Variants in TBC1D2 observed in about 807,000 individuals in gnomAD.
The protein encoded by TBC1D2 is TBC1 domain family member 2.
TBC1D2 carries 58 observed loss-of-function variants against 91.1 expected under a neutral mutation model. The ratio of observed to expected loss-of-function variants is 0.64; its 90% CI spans 0.52 to 0.79. The LOEUF is 0.79. Among genes scored for constraint, TBC1D2 ranks in the 30% least tolerant of loss-of-function variants. The pLI, the probability that TBC1D2 is intolerant of heterozygous loss-of-function variation, is 0.00. For synonymous variants in TBC1D2, 482 were observed against 511.5 expected, an observed-to-expected ratio of 0.94 and a Z score of 0.78; for missense variants, 1,080 against 1,208.3, an observed-to-expected ratio of 0.89 and a Z score of 1.57.
At chr9:98,211,212 A>T (rs1392464204) in intron 7 of TBC1D2, among the ~76,000 whole-genome samples, 3 of 152,244 alleles carry the variant, frequency 2.0e-5, no homozygotes, top group African/African-American at 7.2e-5. Flanking sequence ...AATGAGGATC[A>T]TACAGAGTCT....
At chr9:98,252,866 G>A (rs1274244629) in intron 1 of TBC1D2, among the ~76,000 whole-genome samples, 1 of 152,172 alleles carries the variant, frequency 6.6e-6, no homozygotes, top group Non-Finnish European at 1.5e-5. Flanking sequence ...CATGGCAACA[G>A]AGGCAAACTC....
chr9:98,251,999 G>A (rs1829883874), intron 1 of TBC1D2, 73 bp from the exon 2 acceptor site: 2 of 1,524,540 alleles, frequency 1.3e-6, no homozygotes, highest in Non-Finnish European at 1.7e-6. Flanking sequence ...AGAGGGGAAG[G>A]TTGTGGGAGG....
intron 2 of TBC1D2, among the ~76,000 whole-genome samples, chr9:98,246,330 T>A (rs748740729): frequency 1.3e-5 from 2 of 151,762 alleles, no homozygotes; most frequent in Non-Finnish European, 2.9e-5. Context: ...ATGATGGGGG[T>A]CAGGGGGAGC....
chr9:98,251,057 C>CG (rs1234896405), intron 2 of TBC1D2, among the ~76,000 whole-genome samples: 1 of 152,018 alleles, frequency 6.6e-6, no homozygotes, highest in African/African-American at 2.4e-5. Context: ...GAGGCTGAGG[C>CG]GGGTAGATCA....
intron 10 of TBC1D2, among the ~76,000 whole-genome samples, chr9:98,201,888 G>A (rs1330617655): frequency 6.6e-6 from 1 of 152,190 alleles, no homozygotes; most frequent in Non-Finnish European, 1.5e-5. Context: ...AGAGTCCTCT[G>A]GACTGGGGCA....
Position 98,244,118 on chromosome 9 carries a change from C to T in TBC1D2, c.523G>A (p.Ala175Thr), listed in dbSNP as rs1287585118. 6.2e-7 allele frequency: 1 copy of T among 1,613,240 alleles called. No individual in the cohort carries two copies. The highest frequency in any genetic ancestry group is 2.2e-5 in the East Asian group (1 of 44,868). Residue 175 changes from alanine to threonine, a missense_variant, in exon 3 of 13, where the codon GCA becomes ACA. Ala to Thr is a moderately conservative substitution (Grantham distance 58). Transcript: ENST00000465784. ...VLHLELGQEEAELEEFLCPVK... is the reference protein window; with the variant it reads ...VLHLELGQEETELEEFLCPVK... Reference sequence around the variant, plus strand: ...GGGCACAGGAACTCCTCCAGCTCTGCCTCTTCTTGCCCTGGGAACAAAGAA... The same window carrying T: ...GGGCACAGGAACTCCTCCAGCTCTGTCTCTTCTTGCCCTGGGAACAAAGAA...
rs779823487 is a variant in TBC1D2, at chr9:98,209,006, C to T, written c.1812G>A (p.Glu604=). 1.2e-6 allele frequency: 2 copies of T among 1,614,128 alleles called. No individual in the cohort carries two copies. The highest frequency in any genetic ancestry group is 1.3e-5 in the African/African-American group (1 of 75,046). The change falls in exon 9 of 13, where the codon GAG becomes GAA. Residue 604 remains glutamate (E), a synonymous_variant. Transcript: ENST00000465784. ...CAAGATCGCCCAGGGCAGCCCAGCG[C>T]TCCCTCAGCGGCCGATCCACAGCCT... ...GLEAVDRPLR[E]RWAALGDLVP... is the part of the protein sequence containing the mutation.
intron 9 of TBC1D2, among the ~76,000 whole-genome samples, 187 bp from the exon 10 acceptor site, chr9:98,203,595 T>C (rs1388159213): frequency 6.6e-6 from 1 of 152,186 alleles, no homozygotes; most frequent in Non-Finnish European, 1.5e-5. Flanking sequence ...TTGGGGAGGA[T>C]GACCGGCGAT....
In TBC1D2 at chr9:98,201,185, A is replaced by T. The variant is rs572073232; in HGVS notation, c.2457+294T>A. 2.6e-5 allele frequency among the ~76,000 whole-genome samples: 4 copies of T among 152,264 alleles called. No individual in the cohort carries two copies. The South Asian group carries it at 6.2e-4, about 24-fold the overall frequency. On this transcript the variant is annotated intron_variant, in intron 11 of 12. Coordinates refer to ENST00000465784, the MANE Select transcript of TBC1D2 (RefSeq NM_001267571.2). ...TCTTAATCCAAGGTTTAGTCCAAACAGGAGGAAGAAAAGGAGGGCCCAGGT... is the reference window on the plus strand; with the variant it reads ...TCTTAATCCAAGGTTTAGTCCAAACTGGAGGAAGAAAAGGAGGGCCCAGGT...
At chr9:98,209,791 C>CCTTT (rs1411826000) in intron 8 of TBC1D2, among the ~76,000 whole-genome samples, 1 of 130,466 alleles carries the variant, frequency 7.7e-6, no homozygotes, top group Admixed American at 8.4e-5. Flanking sequence ...TTCCTTCCTT[C>CCTTT]CTTTCTTTTT....
chr9:98,220,861 C>T lies in TBC1D2; in HGVS notation c.1346G>A (p.Ser449Asn), dbSNP rs1829078975. 2 of 1,614,050 alleles carry T rather than the reference C, an allele frequency of 1.2e-6. No individual in the cohort carries two copies. The highest frequency in any genetic ancestry group is 2.2e-5 in the South Asian group (2 of 91,080). The change falls in exon 6 of 13, where the codon AGC (serine) becomes AAC (asparagine). Residue 449 changes from serine (S) to asparagine (N), a missense_variant. By Grantham distance (46) the Ser-to-Asn change is conservative. Transcript: ENST00000465784. Reference protein sequence around the residue: ...RPDAANRDFLSQQGKIEHLKD... With the variant: ...RPDAANRDFLNQQGKIEHLKD... Reference sequence around the variant, plus strand: ...CAGGTGCTCTATCTTCCCCTGCTGGCTCAGGAAGTCCCTGTTGGCAGCGTC... The same window carrying T: ...CAGGTGCTCTATCTTCCCCTGCTGGTTCAGGAAGTCCCTGTTGGCAGCGTC...
At chr9:98,208,223 G>T (rs1156701420) in intron 9 of TBC1D2, among the ~76,000 whole-genome samples, 2 of 152,124 alleles carry the variant, frequency 1.3e-5, no homozygotes, top group Admixed American at 6.5e-5. Flanking sequence ...CAGCCTGTGG[G>T]TGGGGAACCT....
chr9:98,229,248 G>C (rs764247824), intron 4 of TBC1D2, 100 bp from the exon 5 acceptor site: 3 of 1,124,552 alleles, frequency 2.7e-6, no homozygotes, highest in African/African-American at 1.6e-5. Flanking sequence ...TTAAAATGCG[G>C]ATGGTTGGGC....
At position 98,229,034 on chromosome 9, in the gene TBC1D2, G is replaced by A. The variant is rs755066693; in HGVS notation, c.896C>T (p.Thr299Ile). ...TTTCTCCTGGGCAGTTCGGTTCCGTGTGATTCCTTCAGAAAAGAATGGGAA... is the reference window on the plus strand; with the variant it reads ...TTTCTCCTGGGCAGTTCGGTTCCGTATGATTCCTTCAGAAAAGAATGGGAA... ...NTFPFFSEGI[T>I]RNRTAQEKVA... Residue 299 changes from threonine (T) to isoleucine (I), a missense_variant, in exon 5 of 13, where the codon ACA (threonine) becomes ATA (isoleucine). Thr to Ile is a moderately conservative substitution (Grantham distance 89, BLOSUM62 -1). Transcript: ENST00000465784. The A allele has an allele frequency of 1.2e-6, 2 of 1,614,228 alleles. No homozygotes were observed. Among genetic ancestry groups the A allele is most frequent in the South Asian group, 1.1e-5 (1 of 91,088 alleles).
chr9:98,227,562 G>C (rs1293611366), intron 5 of TBC1D2, among the ~76,000 whole-genome samples: 1 of 151,896 alleles, frequency 6.6e-6, no homozygotes, highest in African/African-American at 2.4e-5. Context: ...TTCGAAACCA[G>C]CCTTGCCAAC....
At chr9:98,255,097 C>T in intron 1 of TBC1D2, 76 bp downstream of exon 1, 1 of 1,524,964 alleles carries the variant, frequency 6.6e-7, no homozygotes, top group Middle Eastern at 2.0e-4. Flanking sequence ...GTCCACCTCA[C>T]ACTCGCGCCC....
chr9:98,252,061 T>C (rs937195983), intron 1 of TBC1D2, 135 bp from the exon 2 acceptor site: 36 of 1,150,184 alleles, frequency 3.1e-5, no homozygotes, highest in Admixed American at 1.6e-4. Context: ...ACTGTAGGTA[T>C]GTATGCTTCC....
chr9:98,234,100 T>A (rs934895954), intron 3 of TBC1D2, among the ~76,000 whole-genome samples: 1 of 152,192 alleles, frequency 6.6e-6, no homozygotes, highest in Non-Finnish European at 1.5e-5. Flanking sequence ...CTGTCCTCTG[T>A]GCAGCCTTCA....
At chr9:98,238,872 A>G (rs1206501261) in intron 3 of TBC1D2, among the ~76,000 whole-genome samples, 1 of 149,434 alleles carries the variant, frequency 6.7e-6, no homozygotes, top group Non-Finnish European at 1.5e-5. Context: ...ACAGGCCTGT[A>G]CCACCATGGC....
Sources: gnomAD v4.1 joint callset for allele counts (sites outside exome capture counted in the v4.1 genomes callset) on GRCh38, gnomAD v4.1.1 for gene constraint, MANE v1.5 for transcripts, NCBI Gene and HGNC (gene_info 2026-07-23, HGNC 2026-07-21) for gene names.